The following SYNPO2 variants were observed in gnomAD, a reference collection of about 807,000 sequenced individuals.
The protein encoded by SYNPO2 is synaptopodin-2.
A neutral mutation model predicts 85.0 loss-of-function variants in SYNPO2; 56 were observed. That is an observed-to-expected ratio of 0.66 (90% CI 0.53 to 0.82). The LOEUF (loss-of-function observed/expected upper bound fraction) is 0.82. SYNPO2 is among the 40% of genes least tolerant of loss of function. The pLI is 0.00. For missense variants in SYNPO2, 1,575 were observed against 1,534.2 expected (o/e 1.03, Z -0.44); for synonymous variants, 602 against 591.1 (o/e 1.02, Z -0.27).
chr4:119,041,549 A>C (rs911223242), intron 4 of SYNPO2, among the ~76,000 whole-genome samples: 5 of 152,200 alleles, frequency 3.3e-5, no homozygotes, highest in African/African-American at 1.2e-4. Flanking sequence ...CAAATGGTGC[A>C]GATCATAATT....
At chr4:118,964,319 C>A (rs949127235) in intron 1 of SYNPO2, among the ~76,000 whole-genome samples, 1 of 150,262 alleles carries the variant, frequency 6.7e-6, no homozygotes, top group African/African-American at 2.5e-5. Flanking sequence ...CACACACACA[C>A]ACACACACAC....
chr4:118,944,997 C>G (rs1734447578), intron 1 of SYNPO2, among the ~76,000 whole-genome samples: 1 of 152,178 alleles, frequency 6.6e-6, no homozygotes, highest in Non-Finnish European at 1.5e-5. Context: ...CCTCTCTGAA[C>G]CTCAGCTCCT....
chr4:118,876,661 TCCTTTC>T (rs1322924501), intron 1 of SYNPO2, among the ~76,000 whole-genome samples: 3 of 144,264 alleles, frequency 2.1e-5, no homozygotes, highest in Non-Finnish European at 3.1e-5. Flanking sequence ...CTTCCTTCCT[TCCTTTC>T]TCTTTCTTTC....
At chr4:118,983,140 G>A (rs1335284940) in intron 1 of SYNPO2, among the ~76,000 whole-genome samples, 1 of 152,154 alleles carries the variant, frequency 6.6e-6, no homozygotes, top group Non-Finnish European at 1.5e-5. Context: ...GAGATTAGGT[G>A]TGAACTTCTC....
chr4:118,878,342 CT>C (rs1304004427), intron 1 of SYNPO2, among the ~76,000 whole-genome samples: 2 of 152,080 alleles, frequency 1.3e-5, no homozygotes, highest in Non-Finnish European at 2.9e-5. Flanking sequence ...ACATGTACCC[CT>C]GAACCTAAAA....
intron 1 of SYNPO2, among the ~76,000 whole-genome samples, chr4:119,010,145 T>TAAAC (rs1737236176): frequency 6.6e-6 from 1 of 152,202 alleles, no homozygotes; most frequent in Non-Finnish European, 1.5e-5. Flanking sequence ...ACTGAGTGTT[T>TAAAC]ACTATGTGTT....
At chr4:118,921,744 TACA>T (rs1578552422) in intron 1 of SYNPO2, among the ~76,000 whole-genome samples, 1 of 152,052 alleles carries the variant, frequency 6.6e-6, no homozygotes, top group East Asian at 1.9e-4. Flanking sequence ...TTTAAATTCC[TACA>T]ACATCAAATT....
chr4:119,035,452 A>G (rs1738467569), intron 4 of SYNPO2: 1 of 985,302 alleles, frequency 1.0e-6, no homozygotes, highest in African/African-American at 1.7e-5. Context: ...AGAGAGGAAA[A>G]CAAACACAGT....
intron 1 of SYNPO2, among the ~76,000 whole-genome samples, chr4:119,007,233 T>TACATATATATGTATATAA (rs1560971895): frequency 2.4e-5 from 1 of 42,090 alleles, no homozygotes; most frequent in Non-Finnish European, 4.3e-5. Context: ...TATATATATA[T>TACATATATATGTATATAA]ATATATATAT....
In SYNPO2 at chr4:118,900,777, A is replaced by ATCTG. The variant is rs1326513821; in HGVS notation, c.105+11639_105+11640insGTCT. On this transcript the variant is annotated intron_variant, in intron 1 of 4. Coordinates refer to ENST00000307142, the MANE Select transcript of SYNPO2 (RefSeq NM_133477.3). Reference sequence around the variant, plus strand: ...TATCTATCTATCTATCTATCTATCTATCTATCTATAGATATTTGTCAGTTC... The same window carrying ATCTG: ...TATCTATCTATCTATCTATCTATCTATCTGTCTATCTATAGATATTTGTCAGTTC... 2.1e-5 allele frequency among the ~76,000 whole-genome samples: 3 copies of ATCTG among 143,552 alleles called. No homozygotes were observed. In the East Asian group the frequency reaches 6.1e-4, roughly 29 times the overall value. The allele number at this position is 143,552 out of a possible 152,430, so 94.2% of individuals were successfully genotyped here.
Position 119,030,131 on chromosome 4 carries a change from CGTT to C in SYNPO2, c.1358_1360del (p.Val453del). On this transcript the variant is annotated inframe_deletion, in exon 4 of 5. Transcript: ENST00000307142. ...AGGTGGATGAAGAGTTATTGTCTGA[CGTT>C]GACGACAACACACAAGTTGTGAACT... is the stretch of plus-strand genomic sequence containing the variant. 1 of 1,614,078 alleles carries C rather than the reference CGTT, an allele frequency of 6.2e-7. No homozygotes were observed. Among genetic ancestry groups the C allele is most frequent in the Non-Finnish European group, 8.5e-7 (1 of 1,180,014 alleles).
chr4:118,962,003 A>G (rs1735115224), intron 1 of SYNPO2, among the ~76,000 whole-genome samples: 1 of 152,140 alleles, frequency 6.6e-6, no homozygotes, highest in Non-Finnish European at 1.5e-5. Context: ...TAAAATTTTT[A>G]TCTTTGAACT....
chr4:118,978,695 A>T (rs947465226), intron 1 of SYNPO2, among the ~76,000 whole-genome samples: 2 of 152,106 alleles, frequency 1.3e-5, no homozygotes, highest in African/African-American at 2.4e-5. Flanking sequence ...CAGATTTTTT[A>T]AAAAATGTTA....
rs774631466 is a variant in SYNPO2, at chr4:119,031,771, C to T, written c.2996C>T (p.Ala999Val). The part of the protein sequence containing the change: ...PQKSSVKVNS[A>V]LAMKQALPPR... ...AAGTCATCAGTCAAGGTCAATTCAG[C>T]CCTGGCCATGAAGCAAGCTCTTCCT... Residue 999 changes from alanine to valine, a missense_variant, in exon 4 of 5, where the codon GCC becomes GTC. Transcript: ENST00000307142. 6.2e-7 allele frequency: 1 copy of T among 1,614,078 alleles called. No individual in the cohort carries two copies. Among genetic ancestry groups the T allele is most frequent in the Non-Finnish European group, 8.5e-7 (1 of 1,180,042 alleles).
rs372652661 is a variant in SYNPO2 at position 118,856,353 on chromosome 4, T to C, written c.12+5413T>C. Among the ~76,000 whole-genome samples the C allele has an allele frequency of 2.0e-4, 30 of 152,312 alleles. No individual in the cohort carries two copies. In the South Asian group the frequency reaches 5.6e-3, roughly 28 times the overall value. On this transcript the variant is annotated intron_variant, in intron 1 of 4. Transcript: ENST00000610556. ...CTTGTTCATTGGAGTTTATGCATAC[T>C]AGTTTTGAGATACATACAGATTTAT...
At position 119,058,827 on chromosome 4, in the gene SYNPO2, A is replaced by G. The variant is rs1394240071; in HGVS notation, c.*893A>G. 6.6e-6 allele frequency: 1 copy of G among 152,208 alleles called. No individual in the cohort carries two copies. Among genetic ancestry groups the G allele is most frequent in the Non-Finnish European group, 1.5e-5 (1 of 68,042 alleles). 9.4% of individuals were successfully genotyped at this position (152,208 alleles called of 1,614,324 possible). On this transcript the variant is annotated 3_prime_UTR_variant, in exon 5 of 5. Transcript: ENST00000307142. ...ATAAATCTTAGATTTTTAAAAAAGA[A>G]TTAAAATGTGGGAGTTCTCAGAAAG...
intron 1 of SYNPO2, among the ~76,000 whole-genome samples, chr4:118,934,810 C>A (rs1295318749): frequency 6.6e-6 from 1 of 152,170 alleles, no homozygotes; most frequent in South Asian, 2.1e-4. Flanking sequence ...AATGAACCAG[C>A]TACTACCTTC....
intron 1 of SYNPO2, among the ~76,000 whole-genome samples, chr4:118,907,315 A>G (rs867314652): frequency 5.9e-5 from 9 of 152,220 alleles, no homozygotes; most frequent in Admixed American, 2.0e-4. Context: ...TATAGCTTTT[A>G]TGTTTTGTTT....
intron 2 of SYNPO2, among the ~76,000 whole-genome samples, chr4:119,025,654 CT>C (rs2149186754): frequency 6.6e-6 from 1 of 152,118 alleles, no homozygotes; most frequent in East Asian, 1.9e-4. Context: ...TCATAACTGT[CT>C]TTTAAGGAAG....
Sources: gnomAD v4.1 joint callset for allele counts (sites outside exome capture counted in the v4.1 genomes callset) on GRCh38, gnomAD v4.1.1 for gene constraint, MANE v1.5 for transcripts, NCBI Gene and HGNC (gene_info 2026-07-23, HGNC 2026-07-21) for gene names.